The following OTULINL variants were observed in gnomAD, a reference collection of about 807,000 sequenced individuals.
OTULINL encodes the protein inactive ubiquitin thioesterase OTULINL.
OTULINL carries 42 observed loss-of-function variants against 43.9 expected under a neutral mutation model. The ratio of observed to expected loss-of-function variants is 0.96; its 90% CI spans 0.75 to 1.24. The LOEUF is 1.24. Ranked by LOEUF, OTULINL falls within the 50% of genes most tolerant of loss-of-function variation. The probability of loss-of-function intolerance (pLI) is 0.00; values close to 1 mark genes in which losing one functional copy is unlikely to be tolerated. For missense variants in OTULINL, 411 were observed against 426.4 expected (o/e 0.96, Z 0.32); for synonymous variants, 172 against 153.6 (o/e 1.12, Z -0.88).
chr5:14,613,388 A>G lies in OTULINL; in HGVS notation c.*3074A>G, dbSNP rs1003342869. 2.0e-5 allele frequency among the ~76,000 whole-genome samples: 3 copies of G among 152,212 alleles called. No individual in the cohort carries two copies. Among genetic ancestry groups the G allele is most frequent in the Admixed American group, 6.5e-5 (1 of 15,282 alleles). ...CTGGATTCCTTTTCCTTTTCATGCT[A>G]TCTTTTCATCATACCTCTTCTAATC... On this transcript the variant is annotated 3_prime_UTR_variant, in exon 8 of 8. Coordinates refer to ENST00000274217, the MANE Select transcript of OTULINL (RefSeq NM_019018.3).
intron 5 of OTULINL, among the ~76,000 whole-genome samples, chr5:14,603,300 T>C (rs78939875): frequency 0.011 from 1,637 of 152,320 alleles, 25 homozygotes; most frequent in African/African-American, 0.037. Context: ...TCATACAGGA[T>C]GTTGTATGAA....
At chr5:14,598,835 GAAA>G (rs1298980683) in intron 1 of OTULINL, among the ~76,000 whole-genome samples, 1 of 152,056 alleles carries the variant, frequency 6.6e-6, no homozygotes, top group Non-Finnish European at 1.5e-5. Flanking sequence ...TTATAATGAG[GAAA>G]AAACTAAAAT....
At chr5:14,583,965 A>G (rs567709019) in intron 1 of OTULINL, among the ~76,000 whole-genome samples, 1 of 152,308 alleles carries the variant, frequency 6.6e-6, no homozygotes, top group African/African-American at 2.4e-5. Context: ...AAAATCATGG[A>G]CTAAGCATCT....
intron 5 of OTULINL, among the ~76,000 whole-genome samples, chr5:14,603,581 T>C (rs1037927057): frequency 6.6e-6 from 1 of 151,918 alleles, no homozygotes; most frequent in South Asian, 2.1e-4. Context: ...TGAGTAATGA[T>C]GTTGAGCATT....
chr5:14,600,989 T>TGCTA lies in OTULINL; in HGVS notation c.94_97dup (p.Thr33SerfsTer64). ...GGAAGTGACCAAGTTCACTCCTGGA[T>TGCTA]GCTAGCTACAAGCCAAGCCTTAGAC... On this transcript the variant is annotated frameshift_variant, in exon 2 of 8. Coordinates refer to ENST00000274217, the MANE Select transcript of OTULINL (RefSeq NM_019018.3). LOFTEE classifies it high-confidence loss of function. The TGCTA allele has an allele frequency of 6.5e-7, 1 of 1,538,704 alleles. No homozygotes were observed. Among genetic ancestry groups the TGCTA allele is most frequent in the Non-Finnish European group, 8.7e-7 (1 of 1,143,730 alleles).
intron 2 of OTULINL, 42 bp downstream of exon 2, chr5:14,601,166 C>G: frequency 6.2e-7 from 1 of 1,611,686 alleles, no homozygotes; most frequent in African/African-American, 1.3e-5. Flanking sequence ...TGTATCTTTA[C>G]TATTCAAAGC....
intron 5 of OTULINL, among the ~76,000 whole-genome samples, chr5:14,604,423 C>G (rs1759439027): frequency 6.6e-6 from 1 of 152,162 alleles, no homozygotes; most frequent in Non-Finnish European, 1.5e-5. Flanking sequence ...CCTCCCAAAT[C>G]TCACATCTTC....
intron 1 of OTULINL, among the ~76,000 whole-genome samples, chr5:14,590,208 C>T (rs1759176442): frequency 6.6e-6 from 1 of 152,124 alleles, no homozygotes; most frequent in Non-Finnish European, 1.5e-5. Context: ...ATAACAGAAG[C>T]AGCTAAGGGT....
rs370047696 is a variant in OTULINL, at chr5:14,598,079, G to T, written c.65-2886G>T. On this transcript the variant is annotated intron_variant, in intron 1 of 7. Transcript: ENST00000274217. The stretch of plus-strand genomic sequence containing the variant: ...CTCAAGAGAGATGGCCCAGCTTCAG[G>T]GTCTCACCTCAAATTCCACAGGGGC... Among the ~76,000 whole-genome samples, 13 of 152,192 alleles carry T rather than the reference G, an allele frequency of 8.5e-5. No homozygotes were observed. The East Asian group carries it at 1.2e-3, about 14-fold the overall frequency.
intron 1 of OTULINL, among the ~76,000 whole-genome samples, chr5:14,599,834 T>A (rs1235475910): frequency 2.6e-5 from 4 of 152,230 alleles, no homozygotes; most frequent in Non-Finnish European, 5.9e-5. Context: ...AGTTTTCTCT[T>A]TTGTCAAATC....
chr5:14,608,858 C>T lies in OTULINL; in HGVS notation c.738C>T (p.Ile246=), dbSNP rs1364127715. The T allele has an allele frequency of 3.7e-6, 6 of 1,614,068 alleles. No homozygotes were observed. The highest frequency in any genetic ancestry group is 5.1e-6 in the Non-Finnish European group (6 of 1,179,964). ...AACTTTATGAAGCTTTAAAGTTCATCATGCTGTATCAAGTCACTGAAGTTT... is the reference window on the plus strand; with the variant it reads ...AACTTTATGAAGCTTTAAAGTTCATTATGCTGTATCAAGTCACTGAAGTTT... ...EYKLYEALKF[I]MLYQVTEVYE... is the part of the protein sequence containing the mutation. The change falls in exon 7 of 8, where the codon ATC becomes ATT. Residue 246 remains isoleucine, a synonymous_variant. Coordinates refer to ENST00000274217, the MANE Select transcript of OTULINL (RefSeq NM_019018.3).
chr5:14,582,098 G>C (rs1375264392), intron 1 of OTULINL, 140 bp downstream of exon 1: 1 of 595,564 alleles, frequency 1.7e-6, no homozygotes, highest in Non-Finnish European at 2.4e-6. Context: ...CCTGGAGCCC[G>C]GGAGCTGGAG....
At chr5:14,588,965 C>T (rs1191997828) in intron 1 of OTULINL, among the ~76,000 whole-genome samples, 1 of 152,150 alleles carries the variant, frequency 6.6e-6, no homozygotes, top group Admixed American at 6.5e-5. Context: ...GGCTTAATCT[C>T]GATGGGAGGA....
intron 4 of OTULINL, 35 bp downstream of exon 4, chr5:14,601,477 A>G: frequency 6.4e-7 from 1 of 1,554,878 alleles, no homozygotes; most frequent in Non-Finnish European, 8.8e-7. Context: ...GGAGAAATAG[A>G]GTTTGTCTGT....
rs570766026 is a variant in OTULINL, at chr5:14,614,220, CTT to C, written c.*3909_*3910del. Among the ~76,000 whole-genome samples, 65 of 152,130 alleles carry C rather than the reference CTT, an allele frequency of 4.3e-4. 2 individuals carry two copies. In the South Asian group the frequency reaches 0.013, roughly 31 times the overall value. The stretch of plus-strand genomic sequence containing the variant: ...AAAAAAGTATATATATATCATATGT[CTT>C]TTCATGCATCTGAAACTTTAACTGT... On this transcript the variant is annotated 3_prime_UTR_variant, in exon 8 of 8. Coordinates refer to ENST00000274217, the MANE Select transcript of OTULINL (RefSeq NM_019018.3).
rs1304564673 is a variant in OTULINL at position 14,610,174 on chromosome 5, G to A, written c.931G>A (p.Val311Ile). ...GTTTATACTTGGATACTCCCTTGAAGTAAAGATAAAAGTGTTCAGACTGTT... is the reference window on the plus strand; with the variant it reads ...GTTTATACTTGGATACTCCCTTGAAATAAAGATAAAAGTGTTCAGACTGTT... ...DMFILGYSLE[V>I]KIKVFRLFKF... Residue 311 changes from valine (V) to isoleucine (I), a missense_variant, in exon 8 of 8, where the codon GTA becomes ATA. By Grantham distance (29) the Val-to-Ile change is conservative (BLOSUM62 3). Coordinates refer to ENST00000274217, the MANE Select transcript of OTULINL (RefSeq NM_019018.3). The A allele has an allele frequency of 6.2e-7, 1 of 1,614,074 alleles. No individual in the cohort carries two copies. The highest frequency in any genetic ancestry group is 1.3e-5 in the African/African-American group (1 of 75,032).
Position 14,581,793 on chromosome 5 carries a change from C to T in OTULINL, c.-102C>T, listed in dbSNP as rs1758999872. ...CGCCTCCCCCGCCCTCCCCAGCCCG[C>T]CTCAGGGAAGCGAGCCCGGGCGCCG... On this transcript the variant is annotated 5_prime_UTR_variant, in exon 1 of 8. Transcript: ENST00000274217. The T allele has an allele frequency of 5.2e-6, 5 of 967,238 alleles. No homozygotes were observed. The highest frequency in any genetic ancestry group is 3.2e-5 in the South Asian group (1 of 31,728). 59.9% of individuals were successfully genotyped at this position (967,238 alleles called of 1,614,324 possible).
At chr5:14,594,741 A>G (rs982871085) in intron 1 of OTULINL, among the ~76,000 whole-genome samples, 1 of 152,050 alleles carries the variant, frequency 6.6e-6, no homozygotes, top group African/African-American at 2.4e-5. Context: ...ATTACAAATG[A>G]CCTAAAAGCC....
At chr5:14,584,704 G>T (rs1037376875) in intron 1 of OTULINL, among the ~76,000 whole-genome samples, 7 of 152,062 alleles carry the variant, frequency 4.6e-5, no homozygotes, top group Admixed American at 2.6e-4. Flanking sequence ...AACCTTATTT[G>T]AAGAAACCAA....
Sources: gnomAD v4.1 joint callset for allele counts (sites outside exome capture counted in the v4.1 genomes callset) on GRCh38, gnomAD v4.1.1 for gene constraint, MANE v1.5 for transcripts, NCBI Gene and HGNC (gene_info 2026-07-23, HGNC 2026-07-21) for gene names.